EXOC6B: variants seen among roughly 807,000 people sequenced by gnomAD.
EXOC6B encodes SEC15 homolog B.
Under a neutral mutation model 113.5 loss-of-function variants are expected in EXOC6B, and 54 were observed. The ratio of observed to expected loss-of-function variants is 0.48; its 90% confidence interval spans 0.38 to 0.60. EXOC6B has a LOEUF of 0.60. EXOC6B is among the 20% of genes least tolerant of loss of function. EXOC6B has a pLI of 0.00. For missense variants in EXOC6B, 797 were observed against 977.5 expected (o/e 0.82, Z 2.46); for synonymous variants, 357 against 339.0 (o/e 1.05, Z -0.58).
rs573167059 is a variant in EXOC6B at position 72,334,647 on chromosome 2, T to A, written c.2196+300A>T. On this transcript the variant is annotated intron_variant, in intron 20 of 21. Coordinates refer to ENST00000272427, the MANE Select transcript of EXOC6B (RefSeq NM_015189.3). The stretch of plus-strand genomic sequence containing the variant: ...TGCTGAGTTATCTTTTTGCTATGTC[T>A]GCAAAAGCCAACAACAGCACAATGG... Among the ~76,000 whole-genome samples, 26 of 152,270 alleles carry A rather than the reference T, an allele frequency of 1.7e-4. No homozygotes were observed. The South Asian group carries it at 5.4e-3, about 32-fold the overall frequency.
chr2:72,425,617 G>A (rs1251762599), intron 18 of EXOC6B, among the ~76,000 whole-genome samples: 1 of 152,028 alleles, frequency 6.6e-6, no homozygotes, highest in Non-Finnish European at 1.5e-5. Flanking sequence ...TTTTGTCTCA[G>A]TTAACTATCA....
At chr2:72,385,693 G>A (rs997234672) in intron 18 of EXOC6B, among the ~76,000 whole-genome samples, 1 of 152,006 alleles carries the variant, frequency 6.6e-6, no homozygotes, top group Non-Finnish European at 1.5e-5. Context: ...TTAAAAAATG[G>A]GCAAAGGATC....
Position 72,755,674 on chromosome 2 carries a change from T to C in EXOC6B, c.114-14205A>G, listed in dbSNP as rs367910010. 3.3e-5 allele frequency among the ~76,000 whole-genome samples: 5 copies of C among 152,184 alleles called. No individual in the cohort carries two copies. The East Asian group carries it at 5.8e-4, about 18-fold the overall frequency. ...AATTTAGATGGCTAAAGGAAATCTA[T>C]TGTAGGAGGAGAGTAGTGTCTGGCA... is the stretch of plus-strand genomic sequence containing the variant. On this transcript the variant is annotated intron_variant, in intron 1 of 21. Coordinates refer to ENST00000272427, the MANE Select transcript of EXOC6B (RefSeq NM_015189.3).
rs1399862879 is a variant in EXOC6B at position 72,704,279 on chromosome 2, C to T, written c.669+13824G>A. Among the ~76,000 whole-genome samples the T allele has an allele frequency of 3.3e-3, 491 of 150,868 alleles. 3 individuals are homozygous for T. The highest frequency in any genetic ancestry group is 8.6e-3 in the African/African-American group (352 of 41,082). Reference sequence around the variant, plus strand: ...AAATAAAGATGTTCTTTGAAACCAACGAGAACAAAGACACAACATACCAGA... The same window carrying T: ...AAATAAAGATGTTCTTTGAAACCAATGAGAACAAAGACACAACATACCAGA... On this transcript the variant is annotated intron_variant, in intron 6 of 21. Transcript: ENST00000272427.
intron 1 of EXOC6B, among the ~76,000 whole-genome samples, chr2:72,744,958 CTA>C (rs1440070234): frequency 6.6e-6 from 1 of 152,104 alleles, no homozygotes; most frequent in African/African-American, 2.4e-5. Context: ...AATTAGCTTG[CTA>C]TATATAGGTC....
intron 18 of EXOC6B, among the ~76,000 whole-genome samples, chr2:72,387,496 A>T (rs894868206): frequency 1.1e-4 from 17 of 152,102 alleles, no homozygotes; most frequent in African/African-American, 4.1e-4. Flanking sequence ...TATAAATTCA[A>T]ATTCTTTATT....
At chr2:72,811,375 A>G (rs1436550804) in intron 1 of EXOC6B, among the ~76,000 whole-genome samples, 1 of 152,206 alleles carries the variant, frequency 6.6e-6, no homozygotes, top group East Asian at 1.9e-4. Context: ...CAATTCCTCA[A>G]AAAATACAGA....
At position 72,459,155 on chromosome 2, in the gene EXOC6B, A is replaced by C. The variant is rs1025627980; in HGVS notation, c.1980+6005T>G. The stretch of plus-strand genomic sequence containing the variant: ...AAAAGGCCTTTGACAAAATTCAACA[A>C]CCTTCATGCTAAAAACTCTCAATAA... On this transcript the variant is annotated intron_variant, in intron 18 of 21. Transcript: ENST00000272427. Among the ~76,000 whole-genome samples, 21 of 152,142 alleles carry C rather than the reference A, an allele frequency of 1.4e-4. No individual in the cohort carries two copies. The South Asian group carries it at 3.9e-3, about 29-fold the overall frequency.
At position 72,235,371 on chromosome 2, in the gene EXOC6B, A is replaced by G. The variant is rs77754198; in HGVS notation, c.2197-51184T>C. 5.4e-3 allele frequency among the ~76,000 whole-genome samples: 819 copies of G among 152,258 alleles called. 7 individuals are homozygous for G. The highest frequency in any genetic ancestry group is 0.019 in the African/African-American group (795 of 41,534). The stretch of plus-strand genomic sequence containing the variant: ...CTAAATATCAAGTACACACGGACAC[A>G]AAGAAGGGCAGAACAGACACCAGGG... On this transcript the variant is annotated intron_variant, in intron 20 of 21. Coordinates refer to ENST00000272427, the MANE Select transcript of EXOC6B (RefSeq NM_015189.3).
At chr2:72,541,848 A>G (rs1176501094) in intron 8 of EXOC6B, among the ~76,000 whole-genome samples, 10 of 152,166 alleles carry the variant, frequency 6.6e-5, no homozygotes, top group Non-Finnish European at 4.4e-5. Context: ...CTGTGAGATA[A>G]ATACTATTAT....
rs77302131 is a variant in EXOC6B at position 72,751,096 on chromosome 2, T to C, written c.114-9627A>G. The stretch of plus-strand genomic sequence containing the variant: ...CAAAAATGAATATATGAACCCAAAA[T>C]ATCTGAGACAGGTCTCAGTCAACTT... On this transcript the variant is annotated intron_variant, in intron 1 of 21. Coordinates refer to ENST00000272427, the MANE Select transcript of EXOC6B (RefSeq NM_015189.3). Among the ~76,000 whole-genome samples the C allele has an allele frequency of 8.0e-3, 1,210 of 152,076 alleles. 9 individuals are homozygous for C. Among genetic ancestry groups the C allele is most frequent in the African/African-American group, 0.026 (1,088 of 41,490 alleles).
chr2:72,468,163 C>CT (rs1698173034), intron 17 of EXOC6B, among the ~76,000 whole-genome samples: 1 of 151,738 alleles, frequency 6.6e-6, no homozygotes, highest in Non-Finnish European at 1.5e-5. Context: ...TCTGATTTGT[C>CT]TTTTTTTACA....
intron 6 of EXOC6B, among the ~76,000 whole-genome samples, chr2:72,675,174 AAT>A (rs1676200698): frequency 6.6e-6 from 1 of 152,212 alleles, no homozygotes; most frequent in Non-Finnish European, 1.5e-5. Context: ...ATGATCAAGG[AAT>A]ATCACTAACT....
At chr2:72,216,718 G>A (rs1446882586) in intron 20 of EXOC6B, among the ~76,000 whole-genome samples, 1 of 152,154 alleles carries the variant, frequency 6.6e-6, no homozygotes, top group Non-Finnish European at 1.5e-5. Context: ...AAACTATGCA[G>A]TCATAAAAAG....
chr2:72,291,376 A>G (rs931140089), intron 20 of EXOC6B, among the ~76,000 whole-genome samples: 1 of 152,210 alleles, frequency 6.6e-6, no homozygotes, highest in African/African-American at 2.4e-5. Context: ...AAATTCACAA[A>G]TATAAGGGAT....
At chr2:72,647,414 T>A (rs957076297) in intron 6 of EXOC6B, among the ~76,000 whole-genome samples, 1 of 152,148 alleles carries the variant, frequency 6.6e-6, no homozygotes, top group African/African-American at 2.4e-5. Flanking sequence ...CTTCACAGAA[T>A]TGGAAAACAA....
chr2:72,215,749 T>C, intron 20 of EXOC6B, among the ~76,000 whole-genome samples: 1 of 152,138 alleles, frequency 6.6e-6, no homozygotes, highest in East Asian at 1.9e-4. Context: ...CTTTATAGAC[T>C]TCATTGTTCA....
chr2:72,501,141 T>C (rs1334843223), intron 11 of EXOC6B, among the ~76,000 whole-genome samples: 6 of 152,198 alleles, frequency 3.9e-5, no homozygotes, highest in Non-Finnish European at 1.5e-5. Context: ...TAATGCTTTG[T>C]CATTTCCTAG....
At chr2:72,519,958 T>C (rs1701403733) in intron 8 of EXOC6B, among the ~76,000 whole-genome samples, 1 of 152,182 alleles carries the variant, frequency 6.6e-6, no homozygotes, top group Admixed American at 6.5e-5. Flanking sequence ...AATGTGTGGC[T>C]CTTTCTGATA....
Sources: allele counts gnomAD v4.1 joint callset (sites outside exome capture counted in the v4.1 genomes callset), GRCh38; gene constraint gnomAD v4.1.1; transcripts MANE v1.5; gene names NCBI Gene and HGNC (gene_info 2026-07-23, HGNC 2026-07-21).